EXOC4: variants seen among roughly 807,000 people sequenced by gnomAD.
EXOC4 encodes the protein exocyst complex component 4.
Under a neutral mutation model 107.2 loss-of-function variants are expected in EXOC4, and 71 were observed. The observed-to-expected ratio is 0.66, with a 90% confidence interval of 0.55 to 0.81. EXOC4 has a LOEUF of 0.81. Among genes scored for constraint, EXOC4 ranks in the 30% least tolerant of loss-of-function variants. EXOC4 has a pLI of 0.00. For synonymous variants in EXOC4, 456 were observed against 441.2 expected, an observed-to-expected ratio of 1.03 and a Z score of -0.42; for missense variants, 1,108 against 1,189.6, an observed-to-expected ratio of 0.93 and a Z score of 1.01.
At chr7:134,034,950 GA>G (rs1243732277) in intron 17 of EXOC4, among the ~76,000 whole-genome samples, 1 of 152,114 alleles carries the variant, frequency 6.6e-6, no homozygotes, top group Non-Finnish European at 1.5e-5. Context: ...GCAAAAGTAA[GA>G]ATGTAGCTGA....
At chr7:133,670,099 G>A (rs958179829) in intron 10 of EXOC4, among the ~76,000 whole-genome samples, 1 of 152,120 alleles carries the variant, frequency 6.6e-6, no homozygotes, top group Admixed American at 6.5e-5. Flanking sequence ...TAACTGCTGT[G>A]GCGAGGGTGT....
At chr7:133,375,234 G>A (rs1161201851) in intron 7 of EXOC4, among the ~76,000 whole-genome samples, 1 of 152,142 alleles carries the variant, frequency 6.6e-6, no homozygotes, top group Non-Finnish European at 1.5e-5. Flanking sequence ...CCAGTACTTT[G>A]GGAGGCCAAG....
chr7:133,609,105 G>C (rs1416875121), intron 9 of EXOC4, among the ~76,000 whole-genome samples: 6 of 152,064 alleles, frequency 3.9e-5, no homozygotes. Flanking sequence ...TAAAACCTAA[G>C]AGCACCTTCT....
At chr7:133,789,661 T>TA (rs1796663317) in intron 10 of EXOC4, among the ~76,000 whole-genome samples, 1 of 152,210 alleles carries the variant, frequency 6.6e-6, no homozygotes, top group Non-Finnish European at 1.5e-5. Context: ...AAGGTTGTGT[T>TA]ACTGTTATAA....
intron 10 of EXOC4, among the ~76,000 whole-genome samples, chr7:133,802,703 C>G (rs1339761730): frequency 1.3e-5 from 2 of 151,908 alleles, no homozygotes; most frequent in African/African-American, 4.8e-5. Flanking sequence ...AAAAATTAGC[C>G]AGATGTGGTG....
At chr7:133,744,485 A>G (rs1795634381) in intron 10 of EXOC4, among the ~76,000 whole-genome samples, 1 of 152,190 alleles carries the variant, frequency 6.6e-6, no homozygotes, top group Non-Finnish European at 1.5e-5. Flanking sequence ...AGCTGGTATT[A>G]ACTCAGTGAA....
intron 11 of EXOC4, among the ~76,000 whole-genome samples, chr7:133,846,227 A>T (rs1798124477): frequency 6.6e-6 from 1 of 152,330 alleles, no homozygotes; most frequent in South Asian, 2.1e-4. Context: ...TGCCTGCCTC[A>T]TTACCTTAGA....
chr7:133,855,929 C>T (rs1481142222), intron 11 of EXOC4, among the ~76,000 whole-genome samples: 1 of 152,196 alleles, frequency 6.6e-6, no homozygotes, highest in East Asian at 1.9e-4. Flanking sequence ...GGTTGTCACC[C>T]ATATAAATAG....
intron 10 of EXOC4, among the ~76,000 whole-genome samples, chr7:133,728,832 C>A (rs942397985): frequency 5.9e-5 from 9 of 152,142 alleles, no homozygotes; most frequent in South Asian, 2.1e-4. Context: ...ATTTTGTCCA[C>A]CCTAACATAC....
rs529921473 is a variant in EXOC4, at chr7:133,919,094, G to T, written c.2027+1356G>T. On this transcript the variant is annotated intron_variant, in intron 13 of 17. Coordinates refer to ENST00000253861, the MANE Select transcript of EXOC4 (RefSeq NM_021807.4). Reference sequence around the variant, plus strand: ...TCTCAAAACCATGATTCTTGAAAGTGCATGTGTAATTTAACCTAAATTCTT... The same window carrying T: ...TCTCAAAACCATGATTCTTGAAAGTTCATGTGTAATTTAACCTAAATTCTT... Among the ~76,000 whole-genome samples the T allele has an allele frequency of 2.6e-4, 40 of 152,260 alleles. No homozygotes were observed. In the South Asian group the frequency reaches 8.3e-3, roughly 32 times the overall value.
chr7:133,759,144 ATTTTT>A (rs34768347), intron 10 of EXOC4, among the ~76,000 whole-genome samples: 1 of 140,632 alleles, frequency 7.1e-6, no homozygotes, highest in Non-Finnish European at 1.5e-5. Context: ...CAACAAAAGA[ATTTTT>A]TTTTTTTTTT....
intron 9 of EXOC4, among the ~76,000 whole-genome samples, chr7:133,521,567 A>C (rs1265385467): frequency 6.6e-6 from 1 of 151,940 alleles, no homozygotes; most frequent in Non-Finnish European, 1.5e-5. Context: ...AGAGCAAAAT[A>C]TACTGTATTT....
intron 10 of EXOC4, among the ~76,000 whole-genome samples, chr7:133,727,189 A>G (rs547229399): frequency 6.6e-6 from 1 of 152,344 alleles, no homozygotes; most frequent in South Asian, 2.1e-4. Context: ...AGTGAATGTC[A>G]AGCTAGTGTT....
rs141798965 is a variant in EXOC4 at position 133,838,595 on chromosome 7, G to T, written c.1734+21051G>T. Among the ~76,000 whole-genome samples the T allele has an allele frequency of 2.4e-3, 365 of 152,248 alleles. 5 individuals carry two copies. The highest frequency in any genetic ancestry group is 8.2e-3 in the African/African-American group (341 of 41,554). On this transcript the variant is annotated intron_variant, in intron 11 of 17. Transcript: ENST00000253861. ...TTCATCACCAGGCACATCTTAAAAT[G>T]CACATTCTGATCCAGTCAGTCTGGT...
intron 7 of EXOC4, among the ~76,000 whole-genome samples, chr7:133,450,666 C>G (rs993725662): frequency 6.6e-6 from 1 of 152,170 alleles, no homozygotes; most frequent in Non-Finnish European, 1.5e-5. Context: ...TACACATATG[C>G]CAGCTCAACT....
intron 17 of EXOC4, among the ~76,000 whole-genome samples, chr7:134,032,492 C>G (rs754179600): frequency 6.6e-6 from 1 of 152,202 alleles, no homozygotes; most frequent in Non-Finnish European, 1.5e-5. Flanking sequence ...CTGCCAGGCT[C>G]AGAGCCATCT....
the EXOC4 span, among the ~76,000 whole-genome samples, chr7:134,082,994 G>A: frequency 6.6e-6 from 1 of 152,204 alleles, no homozygotes. Flanking sequence ...TGAGGGGACA[G>A]GGAGTAAGCA....
At chr7:133,610,131 A>G (rs1409109083) in intron 9 of EXOC4, among the ~76,000 whole-genome samples, 2 of 152,188 alleles carry the variant, frequency 1.3e-5, no homozygotes, top group African/African-American at 4.8e-5. Flanking sequence ...CCTTTCCATG[A>G]TCCTCCATGA....
intron 16 of EXOC4, 86 bp downstream of exon 16, chr7:134,005,176 C>A: frequency 7.3e-7 from 1 of 1,369,776 alleles, no homozygotes; most frequent in Non-Finnish European, 1.0e-6. Flanking sequence ...AAGTTCAAGA[C>A]TTGTAGAAAA....
Sources: allele counts gnomAD v4.1 joint callset (sites outside exome capture counted in the v4.1 genomes callset), GRCh38; gene constraint gnomAD v4.1.1; transcripts MANE v1.5; gene names NCBI Gene and HGNC (gene_info 2026-07-23, HGNC 2026-07-21).